Variants in XPNPEP1 observed in about 807,000 individuals in gnomAD.
XPNPEP1 encodes the protein xaa-Pro aminopeptidase 1.
Under a neutral mutation model 92.4 loss-of-function variants are expected in XPNPEP1, and 39 were observed. The observed-to-expected ratio is 0.42, with a 90% CI of 0.33 to 0.55. XPNPEP1 has a LOEUF of 0.55. Ranked by LOEUF, XPNPEP1 falls within the 20% of genes least tolerant of loss-of-function variation. XPNPEP1 has a pLI of 0.08. For synonymous variants in XPNPEP1, 307 were observed against 299.4 expected, an observed-to-expected ratio of 1.03 and a Z score of -0.26; for missense variants, 654 against 856.1, an observed-to-expected ratio of 0.76 and a Z score of 2.95.
Position 109,882,451 on chromosome 10 carries a change from A to T in XPNPEP1, c.1022T>A (p.Val341Glu). 1 of 1,613,496 alleles carries T rather than the reference A, an allele frequency of 6.2e-7. No homozygotes were observed. The highest frequency in any genetic ancestry group is 8.5e-7 in the Non-Finnish European group (1 of 1,179,430). ...VWVSDKASYA[V>E]SETIPKDHRC... ...ACCAACCTTGGGGATGGTCTCGCTC[A>T]CAGCATAGCTGGCCTTGTCACTGAC... Residue 341 changes from valine to glutamate, a missense_variant, in exon 10 of 21, where the codon GTG becomes GAG. Physicochemically the swap from Val to Glu is moderately radical, Grantham distance 121. Coordinates refer to ENST00000502935, the MANE Select transcript of XPNPEP1 (RefSeq NM_020383.4).
intron 3 of XPNPEP1, among the ~76,000 whole-genome samples, chr10:109,905,488 G>A (rs1264981129): frequency 5.9e-5 from 9 of 152,134 alleles, no homozygotes; most frequent in Admixed American, 1.3e-4. Context: ...GATTACAGGC[G>A]TGAGCCACCG....
At chr10:109,891,940 G>A (rs1589591865) in intron 4 of XPNPEP1, 114 bp from the exon 5 acceptor site, 5 of 900,618 alleles carry the variant, frequency 5.6e-6, no homozygotes, top group Non-Finnish European at 6.8e-6. Flanking sequence ...CTCCTAGTGG[G>A]GCAGATGGGT....
At chr10:109,871,007 T>C (rs1193533422) in intron 17 of XPNPEP1, 103 bp from the exon 18 acceptor site, 2 of 1,351,052 alleles carry the variant, frequency 1.5e-6, no homozygotes, top group Non-Finnish European at 2.0e-6. Context: ...AATAGGTAAG[T>C]TACTGGAGGG....
chr10:109,872,225 T>C (rs983145905), intron 16 of XPNPEP1, among the ~76,000 whole-genome samples: 3 of 152,238 alleles, frequency 2.0e-5, no homozygotes, highest in Admixed American at 2.0e-4. Flanking sequence ...TTCTAAGCAC[T>C]GTATGTTTGA....
At chr10:109,911,573 C>T (rs542905892) in intron 2 of XPNPEP1, among the ~76,000 whole-genome samples, 2 of 152,332 alleles carry the variant, frequency 1.3e-5, no homozygotes, top group South Asian at 4.1e-4. Flanking sequence ...AAAAATTTTA[C>T]TCTGATATCT....
intron 1 of XPNPEP1, among the ~76,000 whole-genome samples, chr10:109,915,677 A>G (rs1850145037): frequency 6.6e-6 from 1 of 152,130 alleles, no homozygotes; most frequent in African/African-American, 2.4e-5. Context: ...TGGTTTGTAC[A>G]AGCAGTTCTG....
intron 1 of XPNPEP1, among the ~76,000 whole-genome samples, chr10:109,918,285 G>A (rs1302933356): frequency 6.6e-6 from 1 of 152,106 alleles, no homozygotes; most frequent in Non-Finnish European, 1.5e-5. Flanking sequence ...GCCAGGTTTG[G>A]TGGTGCACAC....
chr10:109,892,273 T>G (rs542758150), intron 4 of XPNPEP1, among the ~76,000 whole-genome samples: 1 of 152,306 alleles, frequency 6.6e-6, no homozygotes, highest in East Asian at 1.9e-4. Context: ...CCTATGAGTG[T>G]TCCTGCTGTG....
chr10:109,871,840 T>G lies in XPNPEP1; in HGVS notation c.1474A>C (p.Lys492Gln). The G allele has an allele frequency of 6.2e-7, 1 of 1,614,168 alleles. No homozygotes were observed. The highest frequency in any genetic ancestry group is 8.5e-7 in the Non-Finnish European group (1 of 1,180,014). Reference sequence around the variant, plus strand: ...GCTGCACTCACAGCTATGTGGCCCTTGAGGACATATGTGAAGCATTCCTGC... The same window carrying G: ...GCTGCACTCACAGCTATGTGGCCCTGGAGGACATATGTGAAGCATTCCTGC... ...YEKECFTYVL[K>Q]GHIAVSAAVF... The change falls in exon 17 of 21, where the codon AAG becomes CAG. Residue 492 changes from lysine to glutamine, a missense_variant. By Grantham distance (53) the Lys-to-Gln change is moderately conservative. Coordinates refer to ENST00000502935, the MANE Select transcript of XPNPEP1 (RefSeq NM_020383.4).
At chr10:109,881,047 C>T (rs1848066099) in intron 10 of XPNPEP1, 116 bp from the exon 11 acceptor site, 1 of 958,902 alleles carries the variant, frequency 1.0e-6, no homozygotes, top group Admixed American at 2.3e-5. Flanking sequence ...GAAGAGCTCC[C>T]ACTGGCGACC....
chr10:109,902,124 T>C (rs1158883889), intron 3 of XPNPEP1, among the ~76,000 whole-genome samples: 2 of 152,256 alleles, frequency 1.3e-5, no homozygotes, highest in African/African-American at 4.8e-5. Flanking sequence ...TTCTCATTTA[T>C]GACTGTGGCT....
intron 7 of XPNPEP1, among the ~76,000 whole-genome samples, chr10:109,886,749 A>G (rs931594331): frequency 5.3e-5 from 8 of 152,238 alleles, no homozygotes; most frequent in Admixed American, 2.0e-4. Flanking sequence ...TACTGATGCA[A>G]CAGGGGACAC....
chr10:109,895,937 A>C (rs1483189465), intron 3 of XPNPEP1, among the ~76,000 whole-genome samples: 1 of 152,202 alleles, frequency 6.6e-6, no homozygotes, highest in Non-Finnish European at 1.5e-5. Flanking sequence ...ATTATATTTA[A>C]GATAAAATCC....
At chr10:109,906,017 C>G (rs990277294) in intron 3 of XPNPEP1, among the ~76,000 whole-genome samples, 1 of 152,218 alleles carries the variant, frequency 6.6e-6, no homozygotes, top group Non-Finnish European at 1.5e-5. Context: ...CAGGCCTGAC[C>G]TTGTCGCAAC....
At chr10:109,898,791 G>A (rs1241616875) in intron 3 of XPNPEP1, among the ~76,000 whole-genome samples, 2 of 152,232 alleles carry the variant, frequency 1.3e-5, no homozygotes, top group Admixed American at 6.5e-5. Flanking sequence ...AGAGAGGGTG[G>A]TGACATGACC....
In XPNPEP1 at chr10:109,884,147, C is replaced by T. The variant is rs1427433234; in HGVS notation, c.750G>A (p.Trp250Ter). 2 of 1,613,296 alleles carry T rather than the reference C, an allele frequency of 1.2e-6. No individual in the cohort carries two copies. Among genetic ancestry groups the T allele is most frequent in the Non-Finnish European group, 1.7e-6 (2 of 1,179,654 alleles). Reference protein sequence around the residue: ...FVVTALDEIAWLFNLRGSDVE... With the variant: ...FVVTALDEIA ...CATCTGATCCTCGGAGATTAAATAGCCCTAGAAAAGAAATCAAAATCCCTG... is the reference window on the plus strand; with the variant it reads ...CATCTGATCCTCGGAGATTAAATAGTCCTAGAAAAGAAATCAAAATCCCTG... Residue 250 changes from tryptophan (W) to a stop codon, truncating the protein, a stop_gained and splice_region_variant, in exon 9 of 21, where the codon TGG becomes TGA. Coordinates refer to ENST00000502935, the MANE Select transcript of XPNPEP1 (RefSeq NM_020383.4). LOFTEE classifies it high-confidence loss of function.
At position 109,880,938 on chromosome 10, in the gene XPNPEP1, G is replaced by A. The variant is rs532753200; in HGVS notation, c.1042-7C>T. 3 of 1,612,948 alleles carry A rather than the reference G, an allele frequency of 1.9e-6. No homozygotes were observed. Among genetic ancestry groups the A allele is most frequent in the African/African-American group, 1.3e-5 (1 of 74,862 alleles). On this transcript the variant is annotated splice_polypyrimidine_tract_variant and splice_region_variant and intron_variant, in intron 10 of 20. Transcript: ENST00000502935. Reference sequence around the variant, plus strand: ...GCATACAGCAGCGGTGGTCCTAGAGGCAAAGGGCAGTAGGGTGGGAAATCA... The same window carrying A: ...GCATACAGCAGCGGTGGTCCTAGAGACAAAGGGCAGTAGGGTGGGAAATCA...
chr10:109,881,669 TG>T (rs1320681220), intron 10 of XPNPEP1, among the ~76,000 whole-genome samples: 2 of 152,102 alleles, frequency 1.3e-5, no homozygotes, highest in African/African-American at 4.8e-5. Flanking sequence ...CACTGCTCAG[TG>T]GAGAAGAAAG....
chr10:109,894,593 C>T (rs1040424328), intron 3 of XPNPEP1, among the ~76,000 whole-genome samples: 1 of 151,270 alleles, frequency 6.6e-6, no homozygotes, highest in African/African-American at 2.4e-5. Context: ...CACCAAGGCA[C>T]CGGCAATCAC....
Sources: gnomAD v4.1 joint callset for allele counts (sites outside exome capture counted in the v4.1 genomes callset) on GRCh38, gnomAD v4.1.1 for gene constraint, MANE v1.5 for transcripts, NCBI Gene and HGNC (gene_info 2026-07-23, HGNC 2026-07-21) for gene names.